BMAL1: variants seen among roughly 807,000 people sequenced by gnomAD.
The protein encoded by BMAL1 is basic helix-loop-helix ARNT-like protein 1.
the BMAL1 span, among the ~76,000 whole-genome samples, chr11:13,383,717 G>T: frequency 6.6e-6 from 1 of 151,108 alleles, no homozygotes; most frequent in Admixed American, 6.6e-5. Flanking sequence ...TCCAGGTGTG[G>T]TGGTGTACCT....
chr11:13,329,951 G>C, the BMAL1 span, among the ~76,000 whole-genome samples: 1 of 152,208 alleles, frequency 6.6e-6, no homozygotes, highest in Non-Finnish European at 1.5e-5. Flanking sequence ...AATTAAAGAT[G>C]CTGTTGTGAG....
the BMAL1 span, among the ~76,000 whole-genome samples, chr11:13,358,019 G>A: frequency 2.6e-5 from 4 of 152,308 alleles, no homozygotes; most frequent in South Asian, 4.1e-4. Context: ...GCCACACAGC[G>A]GGCTCCTCAC....
chr11:13,290,672 C>T, the BMAL1 span, among the ~76,000 whole-genome samples: 2 of 152,092 alleles, frequency 1.3e-5, no homozygotes, highest in Middle Eastern at 3.4e-3. Flanking sequence ...CTCATTCAGT[C>T]TTCACAGTAT....
the BMAL1 span, among the ~76,000 whole-genome samples, chr11:13,359,935 C>T: frequency 6.6e-6 from 1 of 152,166 alleles, no homozygotes; most frequent in Non-Finnish European, 1.5e-5. Flanking sequence ...TTCCCAAGAA[C>T]ATTTAGAGTG....
chr11:13,376,308 A>G, the BMAL1 span, among the ~76,000 whole-genome samples: 1 of 152,226 alleles, frequency 6.6e-6, no homozygotes, highest in South Asian at 2.1e-4. Flanking sequence ...AACCCCACCT[A>G]TGGTAAGAGC....
chr11:13,357,029 T>C, the BMAL1 span: 1 of 1,614,194 alleles, frequency 6.2e-7, no homozygotes, highest in South Asian at 1.1e-5. The surrounding 1 kb of genome is among the most constrained non-coding windows in gnomAD (Gnocchi z 4.8). Flanking sequence ...ATTATGTTTT[T>C]ATCTTTTGCT....
At chr11:13,298,282 T>C in the BMAL1 span, among the ~76,000 whole-genome samples, 1 of 152,188 alleles carries the variant, frequency 6.6e-6, no homozygotes, top group Non-Finnish European at 1.5e-5. Context: ...CAGGCATGCT[T>C]CCTGTTTAAG....
chr11:13,366,524 T>C, the BMAL1 span: 5 of 736,294 alleles, frequency 6.8e-6, no homozygotes, highest in African/African-American at 1.8e-5. Flanking sequence ...GTTGGACATA[T>C]GTACAGGTTC....
At chr11:13,355,382 G>C in the BMAL1 span, 3 of 1,273,212 alleles carry the variant, frequency 2.4e-6, no homozygotes, top group Non-Finnish European at 2.3e-6. Context: ...TTCCATAGCA[G>C]TAACTCCCCA....
chr11:13,328,221 T>A, the BMAL1 span, among the ~76,000 whole-genome samples: 1 of 152,052 alleles, frequency 6.6e-6, no homozygotes, highest in African/African-American at 2.4e-5. Flanking sequence ...TTATTATGAG[T>A]TATAGACTAA....
the BMAL1 span, chr11:13,354,205 C>CCCCCCCCCCCCA: frequency 1.1e-6 from 1 of 874,466 alleles, no homozygotes; most frequent in Non-Finnish European, 1.7e-6. Flanking sequence ...CCCCGGCCCC[C>CCCCCCCCCCCCA]CACCACCAAA....
At chr11:13,304,426 C>G in the BMAL1 span, among the ~76,000 whole-genome samples, 1 of 152,216 alleles carries the variant, frequency 6.6e-6, no homozygotes, top group Non-Finnish European at 1.5e-5. Context: ...GTATTAGTCT[C>G]ACTTCCTACC....
At chr11:13,369,756 C>A in the BMAL1 span, 2 of 1,601,468 alleles carry the variant, frequency 1.2e-6, no homozygotes, top group Admixed American at 1.8e-5. Flanking sequence ...TCTACCTGCT[C>A]AAAGAAAAAA....
At chr11:13,371,472 C>T in the BMAL1 span, among the ~76,000 whole-genome samples, 1 of 152,196 alleles carries the variant, frequency 6.6e-6, no homozygotes, top group Middle Eastern at 3.2e-3. Context: ...GTTCAGTCCT[C>T]CTAATCTCTT....
At chr11:13,381,117 TC>T in the BMAL1 span, 1 of 1,589,212 alleles carries the variant, frequency 6.3e-7, no homozygotes, top group Non-Finnish European at 8.6e-7. Flanking sequence ...GCACATACAC[TC>T]CACTGAAAAA....
chr11:13,381,845 T>C, the BMAL1 span, among the ~76,000 whole-genome samples: 1 of 152,230 alleles, frequency 6.6e-6, no homozygotes, highest in Non-Finnish European at 1.5e-5. Context: ...TCATCTTTGC[T>C]GGAGAACTTA....
the BMAL1 span, among the ~76,000 whole-genome samples, chr11:13,335,385 C>T: frequency 6.6e-6 from 1 of 152,206 alleles, no homozygotes; most frequent in Admixed American, 6.5e-5. Context: ...CTCTCTGCCT[C>T]TTTTTGTCTG....
the BMAL1 span, among the ~76,000 whole-genome samples, chr11:13,321,013 T>C: frequency 1.3e-5 from 2 of 152,222 alleles, no homozygotes; most frequent in African/African-American, 4.8e-5. Context: ...TTTATGTACA[T>C]GTTGACTTCT....
chr11:13,358,682 T>C, the BMAL1 span: 1 of 1,305,106 alleles, frequency 7.7e-7, no homozygotes, highest in African/African-American at 1.5e-5. Context: ...GGCAGATGTT[T>C]ATTACTTGCA....
Sources: gnomAD v4.1 joint callset for allele counts (sites outside exome capture counted in the v4.1 genomes callset) on GRCh38, gnomAD v4.1.1 for gene constraint, Gnocchi (gnomAD v3.1) non-coding constraint, MANE v1.5 for transcripts, NCBI Gene and HGNC (gene_info 2026-07-23, HGNC 2026-07-21) for gene names.